The following FBXO34 variants were observed in gnomAD, a reference collection of about 807,000 sequenced individuals.
The protein encoded by FBXO34 is F-box protein 34.
In FBXO34, 12 loss-of-function variants were observed where a neutral mutation model predicts 24.5. The observed-to-expected ratio is 0.49, with a 90% CI of 0.31 to 0.79. The LOEUF is 0.79. Among genes scored for constraint, FBXO34 ranks in the 30% least tolerant of loss-of-function variants. The pLI, the probability that FBXO34 is intolerant of heterozygous loss-of-function variation, is 0.04. For missense variants in FBXO34, 823 were observed against 857.7 expected, an observed-to-expected ratio of 0.96 and a Z score of 0.51; for synonymous variants, 320 against 311.9, an observed-to-expected ratio of 1.03 and a Z score of -0.27.
chr14:55,361,902 T>A (rs1884599718), exon 4 of FBXO34: 1 of 152,232 alleles, frequency 6.6e-6, no homozygotes, highest in Non-Finnish European at 1.5e-5. Context: ...CCACTAAAGC[T>A]TTCTCCGTAT....
chr14:55,297,298 A>G (rs1161750328), intron 1 of FBXO34, among the ~76,000 whole-genome samples: 1 of 152,218 alleles, frequency 6.6e-6, no homozygotes, highest in Admixed American at 6.5e-5. Context: ...CTCCTATGTC[A>G]GTATTAACAC....
the FBXO34 span, among the ~76,000 whole-genome samples, chr14:55,406,642 G>C: frequency 1.3e-5 from 2 of 152,086 alleles, no homozygotes; most frequent in African/African-American, 4.8e-5. Flanking sequence ...CTGGCTATTA[G>C]AACAATGGTC....
chr14:55,318,755 T>C (rs1252527166), intron 1 of FBXO34, among the ~76,000 whole-genome samples: 1 of 152,110 alleles, frequency 6.6e-6, no homozygotes, highest in Non-Finnish European at 1.5e-5. Flanking sequence ...GTCTTGAGAA[T>C]TGGAACAATT....
intron 1 of FBXO34, among the ~76,000 whole-genome samples, chr14:55,348,258 T>G (rs533322871): frequency 1.3e-5 from 2 of 152,286 alleles, no homozygotes; most frequent in South Asian, 4.1e-4. Flanking sequence ...AGACAGGGTC[T>G]TGCTGTGTTG....
At chr14:55,348,124 A>G (rs1306992051) in intron 1 of FBXO34, among the ~76,000 whole-genome samples, 1 of 152,232 alleles carries the variant, frequency 6.6e-6, no homozygotes, top group Non-Finnish European at 1.5e-5. Context: ...GAAGATCTCT[A>G]CAGATGATTA....
chr14:55,278,153 AG>A (rs1256521464), intron 1 of FBXO34, among the ~76,000 whole-genome samples: 1 of 152,098 alleles, frequency 6.6e-6, no homozygotes. Flanking sequence ...GCCCATACTT[AG>A]GTCATATGTG....
At chr14:55,291,115 T>A (rs1375047018) in intron 1 of FBXO34, among the ~76,000 whole-genome samples, 1 of 152,108 alleles carries the variant, frequency 6.6e-6, no homozygotes, top group Non-Finnish European at 1.5e-5. Flanking sequence ...GCATGAGCCA[T>A]CATGCCTGGC....
At chr14:55,405,063 C>T in the FBXO34 span, among the ~76,000 whole-genome samples, 1 of 152,086 alleles carries the variant, frequency 6.6e-6, no homozygotes, top group Non-Finnish European at 1.5e-5. Context: ...GTGGAAATAC[C>T]ATAAACAAAC....
intron 1 of FBXO34, among the ~76,000 whole-genome samples, chr14:55,331,259 G>T (rs1883523321): frequency 6.6e-6 from 1 of 151,944 alleles, no homozygotes; most frequent in Admixed American, 6.6e-5. Context: ...CTTCTTTGTG[G>T]TTTTTATTGA....
At chr14:55,381,029 G>C in the FBXO34 span, among the ~76,000 whole-genome samples, 3 of 151,892 alleles carry the variant, frequency 2.0e-5, no homozygotes, top group Admixed American at 1.3e-4. Flanking sequence ...TCCAGAGAGG[G>C]CTCTCCTGAC....
the FBXO34 span, among the ~76,000 whole-genome samples, chr14:55,406,773 G>T: frequency 1.3e-5 from 2 of 152,284 alleles, no homozygotes; most frequent in Non-Finnish European, 2.9e-5. Flanking sequence ...GGAGAGTTAG[G>T]TGAAGCTGAC....
At chr14:55,327,582 G>A (rs1883380533) in intron 1 of FBXO34, among the ~76,000 whole-genome samples, 1 of 152,004 alleles carries the variant, frequency 6.6e-6, no homozygotes, top group Non-Finnish European at 1.5e-5. Context: ...ATTAGCTATT[G>A]GGAAAAAAAT....
At chr14:55,440,949 C>G in the FBXO34 span, among the ~76,000 whole-genome samples, 4 of 152,222 alleles carry the variant, frequency 2.6e-5, no homozygotes, top group Non-Finnish European at 5.9e-5. Context: ...CGGGTTCAAG[C>G]TATTCTCCTG....
chr14:55,323,384 T>C (rs1883232119), intron 1 of FBXO34, among the ~76,000 whole-genome samples: 1 of 140,248 alleles, frequency 7.1e-6, no homozygotes, highest in Admixed American at 7.0e-5. Context: ...TTTAAATTTA[T>C]TTATTTTTTA....
intron 1 of FBXO34, among the ~76,000 whole-genome samples, chr14:55,281,846 A>G (rs1468166974): frequency 1.3e-5 from 2 of 152,076 alleles, no homozygotes. Context: ...TAAGCTTCAT[A>G]TATTATCCCT....
At chr14:55,366,607 ACT>A (rs1884684341), downstream of FBXO34, 1 of 151,026 alleles carries the variant, frequency 6.6e-6, no homozygotes, top group African/African-American at 2.5e-5. Flanking sequence ...ATGGTGATAT[ACT>A]GTTTTTCCCC....
At chr14:55,338,809 G>A (rs1256196538) in intron 1 of FBXO34, among the ~76,000 whole-genome samples, 10 of 152,020 alleles carry the variant, frequency 6.6e-5, no homozygotes, top group Admixed American at 5.9e-4. Flanking sequence ...GGGAGGCTGA[G>A]GCAGGAGAAT....
intron 1 of FBXO34, among the ~76,000 whole-genome samples, chr14:55,301,339 A>G (rs1202066340): frequency 1.3e-5 from 2 of 151,836 alleles, no homozygotes; most frequent in Admixed American, 6.6e-5. Context: ...CGGGAGGCTG[A>G]GGTGGGAGGA....
intron 1 of FBXO34, among the ~76,000 whole-genome samples, chr14:55,284,513 CAAAAAAAAAA>C (rs777112072): frequency 1.2e-4 from 10 of 84,144 alleles, no homozygotes; most frequent in Non-Finnish European, 9.6e-5. Context: ...CCTCTGTCTC[CAAAAAAAAAA>C]AAAAAAAAAG....
Sources: gnomAD v4.1 joint callset for allele counts (sites outside exome capture counted in the v4.1 genomes callset) on GRCh38, gnomAD v4.1.1 for gene constraint, MANE v1.5 for transcripts, NCBI Gene and HGNC (gene_info 2026-07-23, HGNC 2026-07-21) for gene names.